ADARB2: variants seen among roughly 807,000 people sequenced by gnomAD.
ADARB2 encodes the protein inactive double-stranded RNA-specific editase B2.
Under a neutral mutation model 62.2 loss-of-function variants are expected in ADARB2, and 25 were observed. That is an observed-to-expected ratio of 0.40 (90% CI 0.29 to 0.56). The LOEUF (loss-of-function observed/expected upper bound fraction) is 0.56. ADARB2 is among the 20% of genes least tolerant of loss of function. The pLI is 0.43. For synonymous variants in ADARB2, 572 were observed against 500.8 expected (o/e 1.14, Z -1.90); for missense variants, 1,071 against 1,077.4 (o/e 0.99, Z 0.08).
intron 1 of ADARB2, among the ~76,000 whole-genome samples, chr10:1,703,671 G>T (rs771435185): frequency 1.3e-5 from 2 of 152,316 alleles, no homozygotes; most frequent in South Asian, 2.1e-4. Context: ...TGATGATTTT[G>T]CCTGAATCCT....
At chr10:1,422,551 G>A (rs556429328) in intron 1 of ADARB2, among the ~76,000 whole-genome samples, 10 of 152,282 alleles carry the variant, frequency 6.6e-5, no homozygotes, top group East Asian at 3.9e-4. Flanking sequence ...AGAGGAGCCC[G>A]TAGGTCACAA....
chr10:1,505,086 G>T (rs1831822856), intron 1 of ADARB2, among the ~76,000 whole-genome samples: 1 of 149,580 alleles, frequency 6.7e-6, no homozygotes, highest in South Asian at 2.2e-4. Context: ...ATGCACACAG[G>T]ACACACACAC....
At chr10:1,509,656 G>A (rs1432637023) in intron 1 of ADARB2, among the ~76,000 whole-genome samples, 1 of 152,224 alleles carries the variant, frequency 6.6e-6, no homozygotes. Context: ...ATTTGTTTGA[G>A]AAAAGGATGT....
chr10:1,524,351 C>T (rs2676738), intron 1 of ADARB2, among the ~76,000 whole-genome samples: 151,590 of 152,360 alleles, frequency 0.99, 75,418 homozygotes, highest in Middle Eastern at 1. Context: ...GTGTCCAATA[C>T]TCAGTAGGAA....
At chr10:1,377,393 G>A (rs765293918) in intron 2 of ADARB2, among the ~76,000 whole-genome samples, 10 of 145,358 alleles carry the variant, frequency 6.9e-5, no homozygotes, top group South Asian at 4.5e-4. Flanking sequence ...GTGCATGTGC[G>A]CTCCTGGGTT....
chr10:1,542,800 C>T (rs1440298272), intron 1 of ADARB2, among the ~76,000 whole-genome samples: 3 of 118,216 alleles, frequency 2.5e-5, no homozygotes, highest in African/African-American at 9.1e-5. Context: ...GGATCACAGC[C>T]GCCCAGACCC....
intron 8 of ADARB2, among the ~76,000 whole-genome samples, chr10:1,192,776 T>C (rs1203029314): frequency 6.6e-6 from 1 of 152,204 alleles, no homozygotes; most frequent in East Asian, 1.9e-4. Flanking sequence ...CCTGTCTCTA[T>C]TAAAAATACA....
chr10:1,347,438 G>A (rs1036072640), intron 3 of ADARB2, among the ~76,000 whole-genome samples: 1 of 152,236 alleles, frequency 6.6e-6, no homozygotes. Context: ...AAGAAACCAG[G>A]GCACGGGTAC....
intron 1 of ADARB2, among the ~76,000 whole-genome samples, chr10:1,480,220 C>T (rs1588272833): frequency 6.6e-6 from 1 of 152,274 alleles, no homozygotes; most frequent in Admixed American, 6.5e-5. Context: ...AAGTAAAAGG[C>T]ATCCTACTTG....
At chr10:1,372,423 C>G (rs550873604) in intron 2 of ADARB2, among the ~76,000 whole-genome samples, 1 of 152,040 alleles carries the variant, frequency 6.6e-6, no homozygotes, top group Non-Finnish European at 1.5e-5. Flanking sequence ...AGTATACCCA[C>G]GGGACAAACA....
chr10:1,272,296 C>T (rs747601229), intron 3 of ADARB2, among the ~76,000 whole-genome samples: 48 of 152,148 alleles, frequency 3.2e-4, no homozygotes, highest in African/African-American at 6.8e-4. Context: ...TTCCACCGGG[C>T]GTGTGTGGAC....
chr10:1,545,379 G>C (rs1176733722), intron 1 of ADARB2, among the ~76,000 whole-genome samples: 1 of 152,170 alleles, frequency 6.6e-6, no homozygotes, highest in Admixed American at 6.5e-5. Context: ...CTGAACATTT[G>C]GGGGATGTTT....
intron 3 of ADARB2, among the ~76,000 whole-genome samples, chr10:1,350,621 G>A: frequency 6.6e-6 from 1 of 152,148 alleles, no homozygotes; most frequent in East Asian, 1.9e-4. Context: ...AAATCAGTTA[G>A]CGTTTAGGCT....
At chr10:1,303,557 A>G (rs988401103) in intron 3 of ADARB2, among the ~76,000 whole-genome samples, 3 of 152,086 alleles carry the variant, frequency 2.0e-5, no homozygotes, top group Non-Finnish European at 2.9e-5. Context: ...AAGAAGAGCA[A>G]CTCCAAGACA....
chr10:1,503,211 AT>A (rs765152939), intron 1 of ADARB2, among the ~76,000 whole-genome samples: 28 of 151,954 alleles, frequency 1.8e-4, no homozygotes, highest in Non-Finnish European at 3.1e-4. Context: ...TCGTGAAGGG[AT>A]TTTTTTGTTG....
At chr10:1,294,602 A>T (rs1831508061) in intron 3 of ADARB2, among the ~76,000 whole-genome samples, 1 of 152,132 alleles carries the variant, frequency 6.6e-6, no homozygotes, top group Admixed American at 6.5e-5. Context: ...CTCTGACATG[A>T]CTGTCTCGCT....
At chr10:1,637,073 A>T (rs1028907756) in intron 1 of ADARB2, among the ~76,000 whole-genome samples, 1 of 152,116 alleles carries the variant, frequency 6.6e-6, no homozygotes, top group Admixed American at 6.5e-5. Context: ...TGTTGCTTAA[A>T]TCTTACAGAA....
At chr10:1,214,968 T>C (rs1554744566) in intron 7 of ADARB2, among the ~76,000 whole-genome samples, 1 of 152,094 alleles carries the variant, frequency 6.6e-6, no homozygotes, top group Non-Finnish European at 1.5e-5. Context: ...CATGAGAAGG[T>C]GGAACCATTG....
At chr10:1,615,447 G>T (rs1216955037) in intron 1 of ADARB2, among the ~76,000 whole-genome samples, 3 of 152,250 alleles carry the variant, frequency 2.0e-5, no homozygotes, top group Non-Finnish European at 4.4e-5. Flanking sequence ...CAGAGGCCCA[G>T]GATGCGCGGT....
Sources: allele counts gnomAD v4.1 joint callset (sites outside exome capture counted in the v4.1 genomes callset), GRCh38; gene constraint gnomAD v4.1.1; transcripts MANE v1.5; gene names NCBI Gene and HGNC (gene_info 2026-07-23, HGNC 2026-07-21).